The following GABRR3 variants were observed in gnomAD, a reference collection of about 807,000 sequenced individuals.
GABRR3 encodes gamma-aminobutyric acid type A receptor subunit rho3, also known as gamma-aminobutyric acid receptor subunit rho-3.
A neutral mutation model predicts 43.2 loss-of-function variants in GABRR3; 29 were observed. The ratio of observed to expected loss-of-function variants is 0.67; its 90% CI spans 0.50 to 0.92. The LOEUF (loss-of-function observed/expected upper bound fraction) is 0.92. GABRR3 is among the 40% of genes least tolerant of loss of function. The pLI is 0.00. For missense variants in GABRR3, 576 were observed against 572.3 expected, an observed-to-expected ratio of 1.01 and a Z score of -0.07; for synonymous variants, 206 against 195.9, an observed-to-expected ratio of 1.05 and a Z score of -0.43.
rs780984893 is a variant in GABRR3 at position 97,992,875 on chromosome 3, TC to T, written c.1080del (p.Lys361AsnfsTer41). 6.2e-7 allele frequency: 1 copy of T among 1,610,680 alleles called. No homozygotes were observed. Among genetic ancestry groups the T allele is most frequent in the Admixed American group, 1.7e-5 (1 of 59,742 alleles). Reference sequence around the variant, plus strand: ...ACCTTTCCTGTCTTCTTGAATTGTTTCCGCTCTTCCACTGTGGTGAGGTAGT... The same window carrying T: ...ACCTTTCCTGTCTTCTTGAATTGTTTCGCTCTTCCACTGTGGTGAGGTAGT... On this transcript the variant is annotated frameshift_variant, in exon 9 of 10. Coordinates refer to ENST00000621172, the Ensembl canonical transcript of GABRR3. LOFTEE classifies it low-confidence loss of function (END_TRUNC).
chr3:97,994,489 G>A (rs1435564734), intron 8 of GABRR3, among the ~76,000 whole-genome samples: 2 of 152,164 alleles, frequency 1.3e-5, no homozygotes, highest in Non-Finnish European at 1.5e-5. Flanking sequence ...TCAAGTCCCA[G>A]GTTTCCCCCA....
intron 4 of GABRR3, 23 bp from the exon 5 acceptor site, chr3:98,012,590 C>CA (rs11426005): frequency 0.49 from 752,503 of 1,521,830 alleles, 188,463 homozygotes; most frequent in Admixed American, 0.6. Flanking sequence ...AAAAAGAGAC[C>CA]AAAAAAACCA....
chr3:98,030,973 A>G (rs185425830), intron 2 of GABRR3, among the ~76,000 whole-genome samples: 107 of 152,292 alleles, frequency 7.0e-4, no homozygotes, highest in Non-Finnish European at 2.5e-4. Context: ...CACGAAGAAA[A>G]CCTTCATAAT....
intron 8 of GABRR3, among the ~76,000 whole-genome samples, chr3:97,996,263 C>T (rs1261419116): frequency 6.6e-6 from 1 of 152,026 alleles, no homozygotes; most frequent in Non-Finnish European, 1.5e-5. Context: ...TAGGCCTAGG[C>T]AGAACGAAAA....
chr3:97,998,152 GT>G (rs1348797512), intron 8 of GABRR3: 3 of 152,072 alleles, frequency 2.0e-5, no homozygotes, highest in African/African-American at 4.8e-5. Flanking sequence ...ACAGTGATAG[GT>G]TATAGGCAAT....
At chr3:97,991,692 A>G (rs1173330975) in intron 9 of GABRR3, among the ~76,000 whole-genome samples, 1 of 152,216 alleles carries the variant, frequency 6.6e-6, no homozygotes, top group East Asian at 1.9e-4. Context: ...TTCTTCGTTT[A>G]TAAAATAGAG....
At chr3:98,015,518 T>G (rs1246552449) in intron 4 of GABRR3, among the ~76,000 whole-genome samples, 1 of 152,216 alleles carries the variant, frequency 6.6e-6, no homozygotes, top group African/African-American at 2.4e-5. Flanking sequence ...TGTTTACTAC[T>G]TTGGGTAGAA....
intron 8 of GABRR3, chr3:97,999,324 C>G (rs1204130800): frequency 1.3e-5 from 2 of 152,110 alleles, no homozygotes; most frequent in Admixed American, 6.6e-5. Context: ...TACTTTCACT[C>G]TCTTTCCTTA....
chr3:98,005,875 T>G (rs1251312402), intron 7 of GABRR3, among the ~76,000 whole-genome samples: 1 of 152,212 alleles, frequency 6.6e-6, no homozygotes, highest in Admixed American at 6.5e-5. Context: ...TATTACATTA[T>G]ATTAGCATTA....
intron 2 of GABRR3, among the ~76,000 whole-genome samples, chr3:98,032,752 C>T (rs564723246): frequency 1.3e-5 from 2 of 152,060 alleles, no homozygotes; most frequent in Non-Finnish European, 2.9e-5. Context: ...CATTTAAGAG[C>T]CTTATTGTAT....
chr3:98,017,547 C>A, intron 4 of GABRR3, 108 bp downstream of exon 4: 1 of 771,172 alleles, frequency 1.3e-6, no homozygotes. Flanking sequence ...AAGTAGGAGA[C>A]ATAAATAACA....
At chr3:97,998,054 T>C (rs760211168) in intron 8 of GABRR3, 4 of 151,940 alleles carry the variant, frequency 2.6e-5, no homozygotes, top group Admixed American at 1.3e-4. Context: ...AATTATAATA[T>C]AATTCTGACA....
chr3:98,028,941 T>C (rs2107251537), intron 2 of GABRR3, among the ~76,000 whole-genome samples: 1 of 152,256 alleles, frequency 6.6e-6, no homozygotes, highest in Non-Finnish European at 1.5e-5. Context: ...TCATGGAGCA[T>C]CAGATTTATC....
chr3:98,017,572 GATTT>G, intron 4 of GABRR3, 79 bp downstream of exon 4: 1 of 928,852 alleles, frequency 1.1e-6, no homozygotes, highest in South Asian at 1.4e-5. Context: ...TAATTAAAAT[GATTT>G]ATTAAAACAC....
chr3:98,018,107 CTT>C (rs1382563729), intron 3 of GABRR3, among the ~76,000 whole-genome samples: 6 of 150,852 alleles, frequency 4.0e-5, no homozygotes, highest in Non-Finnish European at 8.8e-5. Flanking sequence ...ATTATGTACT[CTT>C]AAGTACAAAT....
At chr3:97,993,118 A>G in intron 8 of GABRR3, 70 bp from the exon 9 acceptor site, 1 of 1,249,724 alleles carries the variant, frequency 8.0e-7, no homozygotes, top group Middle Eastern at 2.8e-4. Context: ...GCTGAATCAC[A>G]CCAGGGGATG....
At chr3:98,008,121 T>C (rs1178543179) in intron 6 of GABRR3, among the ~76,000 whole-genome samples, 14 of 152,212 alleles carry the variant, frequency 9.2e-5, no homozygotes, top group Non-Finnish European at 2.1e-4. Context: ...ATGACTAGTA[T>C]AGTATGGATC....
intron 8 of GABRR3, chr3:98,000,315 G>A (rs190625719): frequency 2.4e-4 from 36 of 152,186 alleles, no homozygotes; most frequent in African/African-American, 8.4e-4. Flanking sequence ...TAAGAGCAGA[G>A]CAGTCAACTT....
At chr3:98,020,625 T>A (rs1452877608) in intron 3 of GABRR3, among the ~76,000 whole-genome samples, 1 of 151,998 alleles carries the variant, frequency 6.6e-6, no homozygotes, top group Non-Finnish European at 1.5e-5. Flanking sequence ...AAAACTACCC[T>A]CCAAGGACCT....
Sources: gnomAD v4.1 joint callset for allele counts (sites outside exome capture counted in the v4.1 genomes callset) on GRCh38, gnomAD v4.1.1 for gene constraint, MANE v1.5 for transcripts, NCBI Gene and HGNC (gene_info 2026-07-23, HGNC 2026-07-21) for gene names.